CAPN3: variants seen among roughly 807,000 people sequenced by gnomAD.
CAPN3 encodes calpain-3.
Under a neutral mutation model 114.0 loss-of-function variants are expected in CAPN3, and 88 were observed. The observed-to-expected ratio is 0.77, with a 90% CI of 0.65 to 0.92. The LOEUF is 0.92. Among genes scored for constraint, CAPN3 ranks in the 40% least tolerant of loss-of-function variants. The probability of loss-of-function intolerance (pLI) is 0.00; values close to 1 mark genes in which losing one functional copy is unlikely to be tolerated. For synonymous variants in CAPN3, 386 were observed against 382.9 expected, an observed-to-expected ratio of 1.01 and a Z score of -0.09; for missense variants, 1,028 against 1,069.0, an observed-to-expected ratio of 0.96 and a Z score of 0.53.
chr15:42,399,383 A>G, intron 9 of CAPN3, 109 bp from the exon 10 acceptor site: 1 of 897,378 alleles, frequency 1.1e-6, no homozygotes, highest in Admixed American at 1.7e-5. Context: ...ACCCTGACCA[A>G]GTTCCTGTGA....
chr15:42,363,335 C>A (rs1008568862), intron 1 of CAPN3, among the ~76,000 whole-genome samples: 8 of 152,188 alleles, frequency 5.3e-5, no homozygotes, highest in African/African-American at 1.9e-4. Context: ...TTCTTGATGA[C>A]AGATCCCAGG....
chr15:42,374,037 T>C (rs1422456337), intron 1 of CAPN3, among the ~76,000 whole-genome samples: 2 of 152,156 alleles, frequency 1.3e-5, no homozygotes, highest in Non-Finnish European at 2.9e-5. Context: ...CTCAGACCAC[T>C]GCGGTCTGTC....
intron 13 of CAPN3, among the ~76,000 whole-genome samples, chr15:42,403,347 T>C (rs937698883): frequency 6.6e-6 from 1 of 151,994 alleles, no homozygotes; most frequent in African/African-American, 2.4e-5. Flanking sequence ...AAAAATAAAG[T>C]AGGGAAGAGG....
chr15:42,375,106 G>C (rs2141134283), intron 1 of CAPN3, among the ~76,000 whole-genome samples: 1 of 151,380 alleles, frequency 6.6e-6, no homozygotes, highest in Non-Finnish European at 1.5e-5. Flanking sequence ...CTCTTGCCTA[G>C]GCCTCCCAAA....
intron 1 of CAPN3, among the ~76,000 whole-genome samples, chr15:42,380,311 T>C (rs2141144161): frequency 6.6e-6 from 1 of 151,748 alleles, no homozygotes; most frequent in East Asian, 1.9e-4. Flanking sequence ...GCTTCTCTGA[T>C]TTAACTGAAA....
rs551552976 is a variant in CAPN3, at chr15:42,395,937, T to A, written c.1116-863T>A. Among the ~76,000 whole-genome samples, 7 of 152,318 alleles carry A rather than the reference T, an allele frequency of 4.6e-5. No homozygotes were observed. In the East Asian group the frequency reaches 1.4e-3, roughly 29 times the overall value. On this transcript the variant is annotated intron_variant, in intron 8 of 23. Coordinates refer to ENST00000397163, the MANE Select transcript of CAPN3 (RefSeq NM_000070.3). ...GCCACCATAGTGAGGAGAGAGAGTG[T>A]GAAAACTGCCCAGCCTTTAGAAGCA...
rs111792770 is a variant in CAPN3 at position 42,360,152 on chromosome 15, C to T, written c.309+38C>T. On this transcript the variant is annotated intron_variant, in intron 1 of 23. Transcript: ENST00000397163. ...CTGCTTGCTGGCTGGGTTTTCCCCC[C>T]ACGGAGGAGTCCTCTCACTCAGCAC... 29 of 1,613,030 alleles carry T rather than the reference C, an allele frequency of 1.8e-5. No individual in the cohort carries two copies. The South Asian group carries it at 3.0e-4, about 17-fold the overall frequency.
intron 1 of CAPN3, among the ~76,000 whole-genome samples, chr15:42,366,768 C>T (rs2052787208): frequency 6.6e-6 from 1 of 151,400 alleles, no homozygotes; most frequent in African/African-American, 2.4e-5. Context: ...GGGCTTGTGA[C>T]GACCCCTAAC....
intron 2 of CAPN3, chr15:42,385,927 G>C: frequency 1.4e-6 from 1 of 707,180 alleles, no homozygotes; most frequent in Non-Finnish European, 2.6e-6. Flanking sequence ...ACTGCCTGCA[G>C]CCTTGAGGAA....
chr15:42,390,147 C>A (rs918910759), intron 6 of CAPN3, 51 bp downstream of exon 6: 5 of 1,606,806 alleles, frequency 3.1e-6, no homozygotes, highest in Non-Finnish European at 4.3e-6. Flanking sequence ...ACCCACATGA[C>A]CCCGCCCTAT....
rs2053597293 is a variant in CAPN3, at chr15:42,392,828, C to T, written c.1029+106C>T. ...CTTCCCTGTCTGCAGAGCTTGCCTC[C>T]AATCAGGACATTCAGTTCAAGGTCC... is the stretch of plus-strand genomic sequence containing the variant. On this transcript the variant is annotated intron_variant, in intron 7 of 23. Coordinates refer to ENST00000397163, the MANE Select transcript of CAPN3 (RefSeq NM_000070.3). The T allele has an allele frequency of 3.8e-6, 3 of 795,458 alleles. No individual in the cohort carries two copies. In the South Asian group the frequency reaches 4.5e-5, roughly 12 times the overall value. 49.3% of individuals were successfully genotyped at this position (795,458 alleles called of 1,614,324 possible). A position where few individuals can be genotyped will look rare whatever the true frequency, so the allele number is the denominator to read the frequency against.
rs1231661764 is a variant in CAPN3, at chr15:42,402,832, C to G, written c.1575C>G (p.Phe525Leu). 6.2e-7 allele frequency: 1 copy of G among 1,614,080 alleles called. No individual in the cohort carries two copies. Among genetic ancestry groups the G allele is most frequent in the East Asian group, 2.2e-5 (1 of 44,890 alleles). ...GNKQHLQKDF[F>L]LYNASKARSK... ...AGCAGCACCTGCAGAAGGACTTCTT[C>G]CTGTACAACGCCTCCAAGGCCAGGA... Residue 525 changes from phenylalanine (F) to leucine (L), a missense_variant, in exon 13 of 24, where the codon TTC becomes TTG. By Grantham distance (22) the Phe-to-Leu change is conservative. Coordinates refer to ENST00000397163, the MANE Select transcript of CAPN3 (RefSeq NM_000070.3).
chr15:42,401,487 C>G (rs993651361), intron 10 of CAPN3, among the ~76,000 whole-genome samples, 154 bp from the exon 11 acceptor site: 1 of 103,552 alleles, frequency 9.7e-6, no homozygotes, highest in Non-Finnish European at 2.1e-5. Flanking sequence ...CCCCCCCCCC[C>G]AAATCATTAG....
At chr15:42,380,935 C>G (rs2053236332) in intron 1 of CAPN3, among the ~76,000 whole-genome samples, 1 of 151,102 alleles carries the variant, frequency 6.6e-6, no homozygotes, top group African/African-American at 2.4e-5. Flanking sequence ...TTTTTCAATT[C>G]TAGTGGTCAT....
chr15:42,380,335 T>C (rs1258984744), intron 1 of CAPN3, among the ~76,000 whole-genome samples: 1 of 150,118 alleles, frequency 6.7e-6, no homozygotes, highest in Non-Finnish European at 1.5e-5. Context: ...TTATATTTTA[T>C]CCTATTTTAT....
intron 15 of CAPN3, 97 bp from the exon 16 acceptor site, chr15:42,408,114 T>C (rs2054077789): frequency 1.3e-6 from 1 of 788,944 alleles, no homozygotes; most frequent in Non-Finnish European, 2.2e-6. Flanking sequence ...TTTCCTCTTC[T>C]CACTGGATAA....
Position 42,385,655 on chromosome 15 carries a change from G to A in CAPN3, c.380-512G>A, listed in dbSNP as rs1465113531. 3 of 517,738 alleles carry A rather than the reference G, an allele frequency of 5.8e-6. No homozygotes were observed. The Admixed American group carries it at 5.8e-5, about 10-fold the overall frequency. The allele number at this position is 517,738 out of a possible 1,614,324, so 32.1% of individuals were successfully genotyped here. A position where few individuals can be genotyped will look rare whatever the true frequency, so the allele number is the denominator to read the frequency against. On this transcript the variant is annotated intron_variant, in intron 2 of 23. Transcript: ENST00000397163. ...ACGTCCCGAGCTCATTCCGTTGCCA[G>A]CAATGTCTTACTGCCCCCTATAGAC... is the stretch of plus-strand genomic sequence containing the variant.
intron 8 of CAPN3, 56 bp from the exon 9 acceptor site, chr15:42,396,744 C>A (rs1161483880): frequency 2.1e-5 from 29 of 1,370,268 alleles, no homozygotes; most frequent in Non-Finnish European, 2.9e-5. Flanking sequence ...CCTGTCCCAA[C>A]CTACATCAGG....
chr15:42,390,073 G>A lies in CAPN3; in HGVS notation c.922G>A (p.Gly308Ser), dbSNP rs1382700455. The A allele has an allele frequency of 3.1e-6, 5 of 1,614,132 alleles. No homozygotes were observed. Among genetic ancestry groups the A allele is most frequent in the Admixed American group, 1.7e-5 (1 of 60,010 alleles). Residue 308 changes from glycine (G) to serine (S), a missense_variant, in exon 6 of 24, where the codon GGC becomes AGC. Gly to Ser is a moderately conservative substitution (Grantham distance 56, BLOSUM62 0). Coordinates refer to ENST00000397163, the MANE Select transcript of CAPN3 (RefSeq NM_000070.3). ...CCAGGACTCAGACCTCGACCCCAGA[G>A]GCTCAGATGAAAGACCGACCCGGGT... ...LLQDSDLDPR[G>S]SDERPTRTII...
Sources: allele counts gnomAD v4.1 joint callset (sites outside exome capture counted in the v4.1 genomes callset), GRCh38; gene constraint gnomAD v4.1.1; transcripts MANE v1.5; gene names NCBI Gene and HGNC (gene_info 2026-07-23, HGNC 2026-07-21).